BFSP2: variants seen among roughly 807,000 people sequenced by gnomAD.
The protein encoded by BFSP2 is phakinin.
In BFSP2, 38 loss-of-function variants were observed where a neutral mutation model predicts 44.9. The observed-to-expected ratio is 0.85, with a 90% CI of 0.65 to 1.11. The LOEUF is 1.11. Ranked by LOEUF, BFSP2 falls within the 50% of genes least tolerant of loss-of-function variation. The pLI, the probability that BFSP2 is intolerant of heterozygous loss-of-function variation, is 0.00. For missense variants in BFSP2, 525 were observed against 533.0 expected (o/e 0.99, Z 0.15); for synonymous variants, 197 against 209.9 (o/e 0.94, Z 0.53).
chr3:133,414,960 C>T lies in BFSP2; in HGVS notation c.489+14388C>T, dbSNP rs184726391. On this transcript the variant is annotated intron_variant, in intron 1 of 6. Coordinates refer to ENST00000302334, the MANE Select transcript of BFSP2 (RefSeq NM_003571.4). ...CCCTCTACTCACCCTGCCATCTCCC[C>T]TCTACTCACCCCTGCCATCTCTCCT... Among the ~76,000 whole-genome samples, 33 of 142,396 alleles carry T rather than the reference C, an allele frequency of 2.3e-4. No homozygotes were observed. The East Asian group carries it at 7.0e-3, about 30-fold the overall frequency. The allele number at this position is 142,396 out of a possible 152,430, so 93.4% of individuals were successfully genotyped here. A position where few individuals can be genotyped will look rare whatever the true frequency, so the allele number is the denominator to read the frequency against.
intron 3 of BFSP2, among the ~76,000 whole-genome samples, chr3:133,449,917 G>C (rs1215887910): frequency 1.4e-5 from 2 of 147,872 alleles, no homozygotes; most frequent in Non-Finnish European, 3.0e-5. Context: ...GAAGGAGAGA[G>C]AGAGAGGAAG....
At chr3:133,404,394 G>A (rs1003889726) in intron 1 of BFSP2, among the ~76,000 whole-genome samples, 8 of 152,100 alleles carry the variant, frequency 5.3e-5, no homozygotes, top group African/African-American at 1.7e-4. Flanking sequence ...CAACTGGAGG[G>A]AGAGGACAAG....
chr3:133,451,606 G>A (rs968207550), intron 4 of BFSP2, among the ~76,000 whole-genome samples: 1 of 152,228 alleles, frequency 6.6e-6, no homozygotes, highest in African/African-American at 2.4e-5. Context: ...GTAGGGTAAA[G>A]CATTCAAACA....
At chr3:133,418,272 C>A (rs1027826210) in intron 1 of BFSP2, among the ~76,000 whole-genome samples, 1 of 152,142 alleles carries the variant, frequency 6.6e-6, no homozygotes, top group Non-Finnish European at 1.5e-5. Context: ...TTCATTCCCA[C>A]CCCCCAGGTA....
At chr3:133,408,059 T>C (rs534650150) in intron 1 of BFSP2, among the ~76,000 whole-genome samples, 7 of 151,680 alleles carry the variant, frequency 4.6e-5, no homozygotes, top group South Asian at 4.2e-4. Flanking sequence ...CATTTCAAAA[T>C]ATCACCATAA....
At chr3:133,424,770 G>C (rs1156713127) in intron 1 of BFSP2, among the ~76,000 whole-genome samples, 1 of 152,126 alleles carries the variant, frequency 6.6e-6, no homozygotes, top group East Asian at 1.9e-4. Context: ...CAAGTAGCAG[G>C]GATTACAGGT....
chr3:133,407,296 A>G (rs1397927659), intron 1 of BFSP2, among the ~76,000 whole-genome samples: 1 of 152,226 alleles, frequency 6.6e-6, no homozygotes, highest in Non-Finnish European at 1.5e-5. Flanking sequence ...ATAGCGTAAG[A>G]TGAATCACCT....
At position 133,466,677 on chromosome 3, in the gene BFSP2, C is replaced by CAACAAAAAAAA; in HGVS notation, c.892-149_892-148insCAAAAAAAAAA. The CAACAAAAAAAA allele has an allele frequency of 1.9e-5, 5 of 257,068 alleles. No individual in the cohort carries two copies. The African/African-American group carries it at 2.4e-4, about 12-fold the overall frequency. 15.9% of individuals were successfully genotyped at this position (257,068 alleles called of 1,614,324 possible). The stretch of plus-strand genomic sequence containing the variant: ...GCTACAGAGCGAGACTTCATCTCAA[C>CAACAAAAAAAA]AAAAAAAAAAAAAAAAAAAAGATGT... On this transcript the variant is annotated intron_variant, in intron 4 of 6. Transcript: ENST00000302334.
intron 2 of BFSP2, among the ~76,000 whole-genome samples, chr3:133,447,767 C>T (rs977951480): frequency 1.1e-4 from 17 of 152,260 alleles, no homozygotes; most frequent in African/African-American, 3.6e-4. Flanking sequence ...GGATGCTGAT[C>T]CTGCTGGTCC....
At chr3:133,473,156 C>G (rs1482750797) in intron 6 of BFSP2, among the ~76,000 whole-genome samples, 1 of 151,948 alleles carries the variant, frequency 6.6e-6, no homozygotes, top group Non-Finnish European at 1.5e-5. Flanking sequence ...GAGAGTCTTC[C>G]TTTCTAACAA....
chr3:133,414,582 A>C (rs1320480511), intron 1 of BFSP2, among the ~76,000 whole-genome samples: 18 of 37,866 alleles, frequency 4.8e-4, no homozygotes, highest in Admixed American at 1.4e-3. Flanking sequence ...TCTCCTCTCT[A>C]CTCAGCCCTG....
At chr3:133,443,928 A>G (rs2073869487) in intron 1 of BFSP2, among the ~76,000 whole-genome samples, 1 of 152,006 alleles carries the variant, frequency 6.6e-6, no homozygotes, top group South Asian at 2.1e-4. Context: ...CCTTTAACAC[A>G]ATGATGGTCA....
In BFSP2 at chr3:133,400,387, G is replaced by A. The variant is rs2073352455; in HGVS notation, c.304G>A (p.Glu102Lys). ...GLATVPAPGL[E>K]RDHGAVEDLG... The stretch of plus-strand genomic sequence containing the variant: ...GGCCACCGTGCCGGCTCCAGGTTTG[G>A]AGAGGGACCATGGTGCTGTTGAGGA... The change falls in exon 1 of 7, where the codon GAG (glutamate) becomes AAG (lysine). Residue 102 changes from glutamate to lysine, a missense_variant. Glu to Lys is a moderately conservative substitution (Grantham distance 56). Transcript: ENST00000302334. This position sits in a 1 kb window ranked among gnomAD's most constrained non-coding sequence, Gnocchi z 4.0. The A allele has an allele frequency of 6.2e-7, 1 of 1,614,092 alleles. No homozygotes were observed. Among genetic ancestry groups the A allele is most frequent in the Non-Finnish European group, 8.5e-7 (1 of 1,180,042 alleles).
intron 1 of BFSP2, among the ~76,000 whole-genome samples, chr3:133,407,324 C>G (rs1487340522): frequency 6.6e-6 from 1 of 152,104 alleles, no homozygotes; most frequent in Non-Finnish European, 1.5e-5. Context: ...TCAGAAATGT[C>G]CAAAGTCTAT....
intron 4 of BFSP2, among the ~76,000 whole-genome samples, chr3:133,465,936 G>A (rs1158935213): frequency 1.3e-5 from 2 of 152,290 alleles, no homozygotes; most frequent in South Asian, 4.1e-4. Context: ...AGAAAGACTA[G>A]AAACAATCTG....
At chr3:133,466,331 G>A (rs1277560495) in intron 4 of BFSP2, among the ~76,000 whole-genome samples, 4 of 151,866 alleles carry the variant, frequency 2.6e-5, no homozygotes, top group Admixed American at 1.3e-4. Context: ...GGCATCGTAT[G>A]TTCAAAATAA....
intron 1 of BFSP2, among the ~76,000 whole-genome samples, chr3:133,427,448 T>G (rs1016985543): frequency 3.9e-5 from 6 of 152,232 alleles, no homozygotes; most frequent in Non-Finnish European, 8.8e-5. Flanking sequence ...ACTTGAACCT[T>G]GGTTTCCCAA....
intron 1 of BFSP2, among the ~76,000 whole-genome samples, chr3:133,446,639 T>C (rs1238232891): frequency 1.1e-5 from 1 of 87,532 alleles, no homozygotes; most frequent in African/African-American, 5.0e-5. Flanking sequence ...TATATATATA[T>C]AAAGGAGTTT....
At chr3:133,444,450 C>A (rs910764936) in intron 1 of BFSP2, among the ~76,000 whole-genome samples, 1 of 152,094 alleles carries the variant, frequency 6.6e-6, no homozygotes, top group Non-Finnish European at 1.5e-5. Flanking sequence ...AGCAACTGAC[C>A]CATGCTTGTG....
Sources: allele counts gnomAD v4.1 joint callset (sites outside exome capture counted in the v4.1 genomes callset), GRCh38; gene constraint gnomAD v4.1.1; non-coding constraint Gnocchi (gnomAD v3.1); transcripts MANE v1.5; gene names NCBI Gene and HGNC (gene_info 2026-07-23, HGNC 2026-07-21).